The following NELL1 variants were observed in gnomAD, a reference collection of about 807,000 sequenced individuals.
The protein encoded by NELL1 is neural EGFL like 1.
NELL1 carries 76 observed loss-of-function variants against 107.4 expected under a neutral mutation model. That is an observed-to-expected ratio of 0.71 (90% confidence interval 0.59 to 0.86). NELL1 has a LOEUF of 0.86. NELL1 is among the 40% of genes least tolerant of loss of function. The pLI is 0.00. For synonymous variants in NELL1, 353 were observed against 341.2 expected, an observed-to-expected ratio of 1.03 and a Z score of -0.38; for missense variants, 1,024 against 1,005.5, an observed-to-expected ratio of 1.02 and a Z score of -0.25.
At chr11:21,499,442 T>C (rs1293457463) in intron 15 of NELL1, among the ~76,000 whole-genome samples, 1 of 152,158 alleles carries the variant, frequency 6.6e-6, no homozygotes. Context: ...CACATTATTT[T>C]ATTTACTATA....
At chr11:20,919,155 A>G in intron 6 of NELL1, 97 bp from the exon 7 acceptor site, 1 of 628,720 alleles carries the variant, frequency 1.6e-6, no homozygotes, top group Non-Finnish European at 2.5e-6. Context: ...AAAAACCCCA[A>G]AAACTCTTCT....
At chr11:20,690,721 C>G (rs1159802120) in intron 2 of NELL1, among the ~76,000 whole-genome samples, 1 of 152,006 alleles carries the variant, frequency 6.6e-6, no homozygotes, top group Non-Finnish European at 1.5e-5. Context: ...TAGCATGATG[C>G]CTCCAGCTTT....
intron 15 of NELL1, among the ~76,000 whole-genome samples, chr11:21,377,630 G>T (rs747546691): frequency 3.3e-5 from 5 of 151,910 alleles, no homozygotes; most frequent in Non-Finnish European, 7.4e-5. Context: ...TCAGCTCTTT[G>T]TATGTCTAGT....
intron 13 of NELL1, among the ~76,000 whole-genome samples, chr11:21,133,485 C>T (rs1166906324): frequency 6.6e-6 from 1 of 152,120 alleles, no homozygotes; most frequent in Non-Finnish European, 1.5e-5. Context: ...GCTGTTCCTG[C>T]TGAGGGGTGC....
chr11:20,981,797 A>G (rs1693978208), intron 12 of NELL1, among the ~76,000 whole-genome samples: 1 of 152,174 alleles, frequency 6.6e-6, no homozygotes, highest in South Asian at 2.1e-4. Flanking sequence ...GGATTCTTTG[A>G]TATGCAAATG....
intron 2 of NELL1, among the ~76,000 whole-genome samples, chr11:20,740,997 C>T (rs948763015): frequency 6.6e-6 from 1 of 152,066 alleles, no homozygotes; most frequent in Non-Finnish European, 1.5e-5. Flanking sequence ...TTTAAAAGGG[C>T]TTCAACCTGC....
intron 15 of NELL1, among the ~76,000 whole-genome samples, chr11:21,506,530 T>C (rs1855282802): frequency 6.6e-6 from 1 of 152,212 alleles, no homozygotes; most frequent in Non-Finnish European, 1.5e-5. Context: ...AGTTTTGACA[T>C]ATTCTCACTG....
intron 13 of NELL1, among the ~76,000 whole-genome samples, chr11:21,142,177 C>G (rs577013249): frequency 6.6e-6 from 1 of 152,328 alleles, no homozygotes; most frequent in Admixed American, 6.5e-5. Context: ...CTATAAAATT[C>G]TACCAGCTGG....
At chr11:20,674,707 A>G (rs1163064267) in intron 1 of NELL1, 10 of 636,244 alleles carry the variant, frequency 1.6e-5, no homozygotes, top group East Asian at 2.8e-5. Context: ...TGTTTCCACA[A>G]TACTTTCTGG....
chr11:21,112,516 C>T lies in NELL1; in HGVS notation c.1301-1073C>T, dbSNP rs1044068784. ...GTAAATAACTTCTGAATTCAAATCC[C>T]AGGTCTAGCGTGTTCTAACAGGATG... On this transcript the variant is annotated intron_variant, in intron 12 of 19. Transcript: ENST00000357134. 1.6e-4 allele frequency among the ~76,000 whole-genome samples: 25 copies of T among 152,066 alleles called. No individual in the cohort carries two copies. In the East Asian group the frequency reaches 4.9e-3, roughly 30 times the overall value.
intron 13 of NELL1, among the ~76,000 whole-genome samples, chr11:21,148,698 C>T (rs1237238939): frequency 6.6e-6 from 1 of 152,116 alleles, no homozygotes; most frequent in African/African-American, 2.4e-5. Context: ...TGTAAGGAGC[C>T]AGTAAATTGG....
intron 15 of NELL1, among the ~76,000 whole-genome samples, chr11:21,492,387 A>G (rs551991197): frequency 6.6e-6 from 1 of 152,122 alleles, no homozygotes; most frequent in Admixed American, 6.6e-5. Context: ...CAGCCATCCC[A>G]TTTACTGGGT....
chr11:21,183,660 C>T (rs1289830982), intron 13 of NELL1, among the ~76,000 whole-genome samples: 2 of 151,832 alleles, frequency 1.3e-5, no homozygotes, highest in East Asian at 3.9e-4. Context: ...ACTCGTATTT[C>T]AAGGATGTTT....
At chr11:21,472,993 C>G (rs1854222870) in intron 15 of NELL1, among the ~76,000 whole-genome samples, 1 of 151,966 alleles carries the variant, frequency 6.6e-6, no homozygotes, top group Non-Finnish European at 1.5e-5. Context: ...GTCTCTACCT[C>G]AAGCTATTTT....
At chr11:20,913,001 T>A (rs1445729953) in intron 5 of NELL1, among the ~76,000 whole-genome samples, 2 of 152,150 alleles carry the variant, frequency 1.3e-5, no homozygotes, top group East Asian at 3.9e-4. Context: ...AGCTGACAGT[T>A]TTTATTGATC....
rs953422453 is a variant in NELL1 at position 21,319,470 on chromosome 11, A to T, written c.1550-51383A>T. ...CTTCCAAAGTGCTGGGATTACAGGC[A>T]TGAGCCACCATGCCCAGCTAAATTT... On this transcript the variant is annotated intron_variant, in intron 14 of 19. Coordinates refer to ENST00000357134, the MANE Select transcript of NELL1 (RefSeq NM_006157.5). 2.8e-5 allele frequency among the ~76,000 whole-genome samples: 4 copies of T among 144,698 alleles called. 1 individual carries two copies. Among genetic ancestry groups the T allele is most frequent in the Admixed American group, 2.1e-4 (3 of 14,280 alleles). 94.9% of individuals were successfully genotyped at this position (144,698 alleles called of 152,430 possible).
intron 2 of NELL1, among the ~76,000 whole-genome samples, chr11:20,777,565 C>G (rs1384319174): frequency 6.6e-6 from 1 of 152,186 alleles, no homozygotes; most frequent in Non-Finnish European, 1.5e-5. Context: ...CAGAAATTGC[C>G]TCACTGATGG....
intron 13 of NELL1, among the ~76,000 whole-genome samples, chr11:21,173,985 A>G (rs907740283): frequency 1.3e-5 from 2 of 151,772 alleles, no homozygotes; most frequent in Admixed American, 6.6e-5. Context: ...AATTTATTTA[A>G]TCCTTACAAA....
intron 12 of NELL1, among the ~76,000 whole-genome samples, chr11:21,023,769 G>T (rs1852753355): frequency 6.6e-6 from 1 of 152,068 alleles, no homozygotes; most frequent in Non-Finnish European, 1.5e-5. Flanking sequence ...GCCCCCACCT[G>T]CATGTGCACA....
Sources: gnomAD v4.1 joint callset for allele counts (sites outside exome capture counted in the v4.1 genomes callset) on GRCh38, gnomAD v4.1.1 for gene constraint, MANE v1.5 for transcripts, NCBI Gene and HGNC (gene_info 2026-07-23, HGNC 2026-07-21) for gene names.